The following MTFR1 variants were observed in gnomAD, a reference collection of about 807,000 sequenced individuals.
MTFR1 encodes mitochondrial fission regulator 1, also known as chondrocyte protein with a poly-proline region.
MTFR1 carries 28 observed loss-of-function variants against 38.8 expected under a neutral mutation model. The observed-to-expected ratio is 0.72, with a 90% confidence interval of 0.53 to 0.99. MTFR1 has a LOEUF of 0.99. Among genes scored for constraint, MTFR1 ranks in the 50% least tolerant of loss-of-function variants. MTFR1 has a pLI of 0.00. For synonymous variants in MTFR1, 145 were observed against 137.0 expected, an observed-to-expected ratio of 1.06 and a Z score of -0.41; for missense variants, 358 against 395.5, an observed-to-expected ratio of 0.91 and a Z score of 0.81.
chr8:65,734,156 C>T (rs1024825478), intron 3 of MTFR1, among the ~76,000 whole-genome samples: 4 of 152,192 alleles, frequency 2.6e-5, no homozygotes, highest in African/African-American at 9.7e-5. Context: ...AAGCCTTACC[C>T]CCAAAACTTG....
chr8:65,736,660 A>T (rs2128898795), intron 3 of MTFR1, among the ~76,000 whole-genome samples: 1 of 151,916 alleles, frequency 6.6e-6, no homozygotes, highest in Admixed American at 6.6e-5. Flanking sequence ...CTGAGGTGGG[A>T]GGATCGCATG....
At chr8:65,726,320 T>A (rs917732705) in intron 3 of MTFR1, among the ~76,000 whole-genome samples, 2 of 150,596 alleles carry the variant, frequency 1.3e-5, no homozygotes, top group African/African-American at 4.8e-5. Flanking sequence ...GGTTCTAAAA[T>A]AGCCCATTTA....
intron 3 of MTFR1, among the ~76,000 whole-genome samples, chr8:65,759,490 G>A (rs909617159): frequency 1.3e-5 from 2 of 152,196 alleles, no homozygotes; most frequent in South Asian, 4.1e-4. Context: ...TGAGGAATGG[G>A]GGATGGCTAC....
intron 3 of MTFR1, among the ~76,000 whole-genome samples, chr8:65,753,126 C>A (rs1344545178): frequency 6.6e-6 from 1 of 152,196 alleles, no homozygotes; most frequent in Non-Finnish European, 1.5e-5. Context: ...TATGGCAGCA[C>A]TATTCCATTA....
chr8:65,724,236 A>G, intron 3 of MTFR1: 2 of 1,485,454 alleles, frequency 1.3e-6, no homozygotes, highest in Non-Finnish European at 9.4e-7. Context: ...ATTAATTATC[A>G]CTCAATACTG....
chr8:65,674,600 G>C (rs1269669166), intron 2 of MTFR1, among the ~76,000 whole-genome samples: 1 of 151,974 alleles, frequency 6.6e-6, no homozygotes, highest in Non-Finnish European at 1.5e-5. Flanking sequence ...CTATAAGAGT[G>C]AGACCCTGCT....
Position 65,709,016 on chromosome 8 carries a change from C to T in MTFR1, c.974C>T (p.Ala325Val). The T allele has an allele frequency of 6.2e-7, 1 of 1,613,962 alleles. No homozygotes were observed. The highest frequency in any genetic ancestry group is 8.5e-7 in the Non-Finnish European group (1 of 1,179,870). Reference sequence around the variant, plus strand: ...TTGAAGCCAACAGGAAAAATGAAGGCTTTAATTGAAAATGTATCAGACTCC... The same window carrying T: ...TTGAAGCCAACAGGAAAAATGAAGGTTTTAATTGAAAATGTATCAGACTCC... Reference protein sequence around the residue: ...HMLKPTGKMKALIENVSDS With the variant: ...HMLKPTGKMKVLIENVSDS Residue 325 changes from alanine (A) to valine (V), a missense_variant, in exon 8 of 8, where the codon GCT becomes GTT. Physicochemically the swap from Ala to Val is moderately conservative, Grantham distance 64. Coordinates refer to ENST00000262146, the MANE Select transcript of MTFR1 (RefSeq NM_014637.4).
intron 1 of MTFR1, among the ~76,000 whole-genome samples, chr8:65,655,941 TAA>T (rs796493246): frequency 0.079 from 6,036 of 76,890 alleles, 669 homozygotes; most frequent in Non-Finnish European, 0.1. Flanking sequence ...GACTCTGTCT[TAA>T]AAAAAAAAAT....
At chr8:65,775,996 T>A (rs897754681), downstream of MTFR1, among the ~76,000 whole-genome samples, 1 of 152,194 alleles carries the variant, frequency 6.6e-6, no homozygotes, top group African/African-American at 2.4e-5. Flanking sequence ...AATTCCCATC[T>A]TTCTGTTCTC....
intron 3 of MTFR1, among the ~76,000 whole-genome samples, chr8:65,748,368 T>G (rs571583171): frequency 3.9e-5 from 6 of 152,328 alleles, no homozygotes; most frequent in African/African-American, 1.4e-4. Flanking sequence ...TTCTAAAGGA[T>G]AGGGATAAAA....
intron 3 of MTFR1, chr8:65,720,570 CTG>C (rs1806332179): frequency 6.5e-6 from 1 of 154,116 alleles, no homozygotes; most frequent in Admixed American, 6.5e-5. Context: ...ATTATGGTAT[CTG>C]AAATATTAAT....
the MTFR1 span, among the ~76,000 whole-genome samples, chr8:65,777,108 G>A: frequency 8.5e-6 from 1 of 118,304 alleles, no homozygotes; most frequent in Non-Finnish European, 1.7e-5. Context: ...TTGAGACAGA[G>A]TTTTGTTCTT....
At chr8:65,651,132 G>T (rs1809112827) in intron 1 of MTFR1, among the ~76,000 whole-genome samples, 1 of 152,096 alleles carries the variant, frequency 6.6e-6, no homozygotes, top group South Asian at 2.1e-4. Flanking sequence ...GCCCATTTTT[G>T]AATTAGATTA....
rs1563435772 is a variant in MTFR1 at position 65,662,060 on chromosome 8, TCTCTCCCTCTCTTTCCACAGTCTCC to T, written c.-80-7769_-80-7745del. Among the ~76,000 whole-genome samples the T allele has an allele frequency of 8.2e-3, 562 of 68,154 alleles. 2 individuals are homozygous for T. Among genetic ancestry groups the T allele is most frequent in the Middle Eastern group, 0.038 (4 of 104 alleles). 44.7% of individuals were successfully genotyped at this position (68,154 alleles called of 152,430 possible). ...CTCTCTCCCTCTCTCTCTCCCTCTCTCTCTCCCTCTCTTTCCACAGTCTCCCTCTCCCTCTCTTTCCACAGTCTCC... is the reference window on the plus strand; with the variant it reads ...CTCTCTCCCTCTCTCTCTCCCTCTCTCTCTCCCTCTCTTTCCACAGTCTCC... On this transcript the variant is annotated intron_variant, in intron 1 of 7. Coordinates refer to ENST00000262146, the MANE Select transcript of MTFR1 (RefSeq NM_014637.4).
At chr8:65,719,060 T>C in intron 2 of MTFR1, 1 of 556,818 alleles carries the variant, frequency 1.8e-6, no homozygotes, top group Non-Finnish European at 3.2e-6. Context: ...GGGCTTTGCA[T>C]ATTCAAGGTT....
chr8:65,699,908 A>C (rs1041555895), intron 4 of MTFR1, among the ~76,000 whole-genome samples: 2 of 152,158 alleles, frequency 1.3e-5, no homozygotes, highest in Admixed American at 1.3e-4. Flanking sequence ...CTTCCTTGAA[A>C]TTTATGTTGA....
downstream of MTFR1, among the ~76,000 whole-genome samples, chr8:65,774,545 C>A (rs945361976): frequency 6.6e-6 from 1 of 151,796 alleles, no homozygotes; most frequent in Non-Finnish European, 1.5e-5. Context: ...TTATTGACAA[C>A]CCAAATAACT....
intron 3 of MTFR1, 49 bp from the exon 4 acceptor site, chr8:65,693,595 A>G (rs1039571139): frequency 3.9e-6 from 6 of 1,536,972 alleles, no homozygotes; most frequent in Non-Finnish European, 5.4e-6. Flanking sequence ...AAAATTTAAC[A>G]TTTTGGTGCC....
intron 7 of MTFR1, among the ~76,000 whole-genome samples, chr8:65,708,564 T>C (rs964906918): frequency 1.3e-5 from 2 of 152,196 alleles, no homozygotes; most frequent in African/African-American, 4.8e-5. Flanking sequence ...AATTGATACA[T>C]TCCCTTTATT....
Sources: gnomAD v4.1 joint callset for allele counts (sites outside exome capture counted in the v4.1 genomes callset) on GRCh38, gnomAD v4.1.1 for gene constraint, MANE v1.5 for transcripts, NCBI Gene and HGNC (gene_info 2026-07-23, HGNC 2026-07-21) for gene names.